Variants in ZNF423 observed in about 807,000 individuals in gnomAD.
ZNF423 encodes zinc finger protein 423, also known as Ebf-associated zinc finger protein.
ZNF423 carries 12 observed loss-of-function variants against 95.8 expected under a neutral mutation model. The ratio of observed to expected loss-of-function variants is 0.13; its 90% CI spans 0.08 to 0.20. ZNF423 has a LOEUF of 0.20. ZNF423 is among the 10% of genes least tolerant of loss of function. The pLI, the probability that ZNF423 is intolerant of heterozygous loss-of-function variation, is 1.00. For missense variants in ZNF423, 1,316 were observed against 1,737.1 expected (o/e 0.76, Z 4.31); for synonymous variants, 749 against 711.9 (o/e 1.05, Z -0.83).
intron 4 of ZNF423, 130 bp from the exon 5 acceptor site, chr16:49,626,384 C>A: frequency 1.4e-6 from 1 of 710,162 alleles, no homozygotes; most frequent in Non-Finnish European, 2.4e-6. Flanking sequence ...TCTCCCCAGG[C>A]CATTCTCTTC....
intron 3 of ZNF423, among the ~76,000 whole-genome samples, chr16:49,680,507 GC>G (rs1373169057): frequency 6.6e-6 from 1 of 152,212 alleles, no homozygotes; most frequent in Non-Finnish European, 1.5e-5. Context: ...CCTTCGGTGA[GC>G]CCAGACCTAG....
chr16:49,848,375 A>G (rs1409359054), intron 1 of ZNF423, among the ~76,000 whole-genome samples: 4 of 152,206 alleles, frequency 2.6e-5, no homozygotes, highest in East Asian at 1.9e-4. Context: ...TGCTTGAATT[A>G]CCTCAAAAAA....
intron 5 of ZNF423, among the ~76,000 whole-genome samples, chr16:49,529,640 C>T (rs1349261182): frequency 6.6e-6 from 1 of 152,084 alleles, no homozygotes; most frequent in African/African-American, 2.4e-5. Flanking sequence ...CAGACACATA[C>T]TTATTTCCAT....
intron 2 of ZNF423, among the ~76,000 whole-genome samples, chr16:49,746,977 G>A (rs946059698): frequency 4.6e-5 from 7 of 152,222 alleles, no homozygotes; most frequent in African/African-American, 9.6e-5. Flanking sequence ...GACACAATCC[G>A]GAGATATGCT....
At chr16:49,627,166 C>T (rs981369705) in intron 4 of ZNF423, among the ~76,000 whole-genome samples, 1 of 151,096 alleles carries the variant, frequency 6.6e-6, no homozygotes, top group Non-Finnish European at 1.5e-5. Flanking sequence ...ATCCATCCAT[C>T]CTCCATCTAC....
At chr16:49,660,434 G>A (rs370900138) in intron 3 of ZNF423, among the ~76,000 whole-genome samples, 3 of 152,186 alleles carry the variant, frequency 2.0e-5, no homozygotes, top group African/African-American at 7.2e-5. Flanking sequence ...TAATCACAAA[G>A]AAGCAGCAAG....
intron 4 of ZNF423, 23 bp from the exon 5 acceptor site, chr16:49,626,277 A>C (rs1241182643): frequency 5.0e-6 from 8 of 1,610,926 alleles, no homozygotes; most frequent in Non-Finnish European, 6.8e-6. Flanking sequence ...CAAAAATAAA[A>C]GATTTAGAGA....
At chr16:49,682,355 C>T (rs892785365) in intron 3 of ZNF423, among the ~76,000 whole-genome samples, 1 of 152,138 alleles carries the variant, frequency 6.6e-6, no homozygotes, top group Admixed American at 6.5e-5. Context: ...CAGGGCTGGC[C>T]GAGCACATCC....
At chr16:49,507,325 G>T (rs1448315902) in intron 7 of ZNF423, among the ~76,000 whole-genome samples, 2 of 151,928 alleles carry the variant, frequency 1.3e-5, no homozygotes, top group Non-Finnish European at 2.9e-5. Context: ...GTAGATACGG[G>T]GTCTCATTAT....
At chr16:49,568,184 C>T (rs1313725480) in intron 5 of ZNF423, among the ~76,000 whole-genome samples, 1 of 152,120 alleles carries the variant, frequency 6.6e-6, no homozygotes, top group Non-Finnish European at 1.5e-5. Flanking sequence ...CCAGGCCTGG[C>T]CAATCAGAGC....
chr16:49,527,541 A>G (rs1313715711), intron 5 of ZNF423, among the ~76,000 whole-genome samples: 1 of 152,132 alleles, frequency 6.6e-6, no homozygotes, highest in Non-Finnish European at 1.5e-5. Context: ...AAGGAAAGAA[A>G]GAGACTCCAC....
intron 7 of ZNF423, among the ~76,000 whole-genome samples, chr16:49,508,939 T>C (rs1284822449): frequency 2.6e-5 from 4 of 152,204 alleles, no homozygotes; most frequent in Non-Finnish European, 4.4e-5. Context: ...AAATGAGGTA[T>C]TGCAACTTAA....
intron 5 of ZNF423, among the ~76,000 whole-genome samples, chr16:49,601,217 A>G (rs1971361007): frequency 6.6e-6 from 1 of 152,168 alleles, no homozygotes; most frequent in African/African-American, 2.4e-5. Flanking sequence ...GTGGTGAGGC[A>G]CACGGGTTCC....
chr16:49,837,462 T>C (rs1796531142), intron 1 of ZNF423, among the ~76,000 whole-genome samples: 1 of 152,168 alleles, frequency 6.6e-6, no homozygotes, highest in African/African-American at 2.4e-5. Context: ...TTAGGGGTCA[T>C]TTAAGCACAA....
chr16:49,495,431 G>T (rs1450362515), intron 7 of ZNF423, among the ~76,000 whole-genome samples: 2 of 152,180 alleles, frequency 1.3e-5, no homozygotes, highest in African/African-American at 2.4e-5. Flanking sequence ...AGCCCTCTCT[G>T]TGCAAATCGT....
chr16:49,504,330 C>T (rs72784263), intron 7 of ZNF423, among the ~76,000 whole-genome samples: 19,795 of 152,180 alleles, frequency 0.13, 1,463 homozygotes, highest in East Asian at 0.22. Context: ...CCTTGGGAGG[C>T]CAGCACTTTG....
chr16:49,829,737 C>T (rs2035042535), intron 1 of ZNF423, among the ~76,000 whole-genome samples: 1 of 152,160 alleles, frequency 6.6e-6, no homozygotes. Flanking sequence ...CAAGAGAAGT[C>T]AGCTCCATGG....
intron 1 of ZNF423, among the ~76,000 whole-genome samples, chr16:49,831,449 G>A (rs562330598): frequency 3.3e-5 from 5 of 152,072 alleles, no homozygotes; most frequent in Non-Finnish European, 7.4e-5. Context: ...TTGTGACCTC[G>A]GGCAGCTGTA....
chr16:49,636,274 TGTA>T lies in ZNF423; in HGVS notation c.2899_2901del (p.Tyr967del). ...AAGCGCTCACCACAGATGGGACACA[TGTA>T]GTGCTTGGCAGGGCCCCGGTGCGTC... On this transcript the variant is annotated inframe_deletion, in exon 4 of 8. Coordinates refer to ENST00000563137, the MANE Select transcript of ZNF423 (RefSeq NM_001379286.1). The surrounding 1 kb of genome is among the most constrained non-coding windows in gnomAD (Gnocchi z 8.6). 3 of 1,612,876 alleles carry T rather than the reference TGTA, an allele frequency of 1.9e-6. No homozygotes were observed. The highest frequency in any genetic ancestry group is 2.5e-6 in the Non-Finnish European group (3 of 1,180,018).
Sources: allele counts gnomAD v4.1 joint callset (sites outside exome capture counted in the v4.1 genomes callset), GRCh38; gene constraint gnomAD v4.1.1; non-coding constraint Gnocchi (gnomAD v3.1); transcripts MANE v1.5; gene names NCBI Gene and HGNC (gene_info 2026-07-23, HGNC 2026-07-21).